ARHGEF18: variants seen among roughly 807,000 people sequenced by gnomAD.
The protein encoded by ARHGEF18 is Rho/Rac guanine nucleotide exchange factor 18, also known as rho guanine nucleotide exchange factor 18.
A neutral mutation model predicts 155.7 loss-of-function variants in ARHGEF18; 93 were observed. The observed-to-expected ratio is 0.60, with a 90% CI of 0.50 to 0.71. ARHGEF18 has a LOEUF of 0.71. ARHGEF18 is among the 30% of genes least tolerant of loss of function. ARHGEF18 has a pLI of 0.00. For synonymous variants in ARHGEF18, 742 were observed against 753.1 expected, an observed-to-expected ratio of 0.99 and a Z score of 0.24; for missense variants, 1,593 against 1,816.1, an observed-to-expected ratio of 0.88 and a Z score of 2.23.
At chr19:7,458,926 A>G (rs1976020117) in intron 19 of ARHGEF18, among the ~76,000 whole-genome samples, 1 of 152,166 alleles carries the variant, frequency 6.6e-6, no homozygotes, top group African/African-American at 2.4e-5. Context: ...TGCACCTGCC[A>G]TGGCGGGCTC....
rs1224713833 is a variant in ARHGEF18 at position 7,469,061 on chromosome 19, G to A, written c.3717G>A (p.Leu1239=). The A allele has an allele frequency of 6.2e-7, 1 of 1,608,222 alleles. No individual in the cohort carries two copies. The highest frequency in any genetic ancestry group is 8.5e-7 in the Non-Finnish European group (1 of 1,178,256). Reference sequence around the variant, plus strand: ...TGCAGCAGCAGATCCCCACCAAGCTGGCGGCCTCCACCAAGGGTGGCAAGG... The same window carrying A: ...TGCAGCAGCAGATCCCCACCAAGCTAGCGGCCTCCACCAAGGGTGGCAAGG... The part of the protein sequence containing the change: ...AAVQQQIPTK[L]AASTKGGKDK... Residue 1239 remains leucine (L), a synonymous_variant, in exon 27 of 29, where the codon CTG becomes CTA. Transcript: ENST00000668164.
chr19:7,401,734 C>G (rs1210461591), intron 10 of ARHGEF18, among the ~76,000 whole-genome samples: 2 of 152,122 alleles, frequency 1.3e-5, no homozygotes, highest in Non-Finnish European at 2.9e-5. Flanking sequence ...TCTGTAGGTT[C>G]CTAAGGCAAA....
chr19:7,466,792 A>G, intron 23 of ARHGEF18, 126 bp from the exon 24 acceptor site: 1 of 916,832 alleles, frequency 1.1e-6, no homozygotes, highest in Non-Finnish European at 1.6e-6. Context: ...CAACAAGAGC[A>G]GAATTCCGTC....
rs187638872 is a variant in ARHGEF18 at position 7,357,621 on chromosome 19, G to C, written c.-110-5160G>C. 7.2e-5 allele frequency among the ~76,000 whole-genome samples: 11 copies of C among 152,270 alleles called. No homozygotes were observed. The East Asian group carries it at 1.9e-3, about 27-fold the overall frequency. ...CCTCTGGCTTAGCTCCCCTGGGAGA[G>C]TGACTCCCTTACAGCGTGTCTCCTG... On this transcript the variant is annotated intron_variant, in intron 1 of 28. Coordinates refer to ENST00000668164, the MANE Select transcript of ARHGEF18 (RefSeq NM_001367823.1).
chr19:7,451,145 C>T lies in ARHGEF18; in HGVS notation c.1738-4C>T. 8.4e-6 allele frequency: 13 copies of T among 1,554,350 alleles called. No individual in the cohort carries two copies. The highest frequency in any genetic ancestry group is 1.1e-5 in the Non-Finnish European group (13 of 1,155,470). The stretch of plus-strand genomic sequence containing the variant: ...AATACAGGATCTTGCTTTCTGTTTC[C>T]TAGAAAATTGGCAACTTCTCCATCG... On this transcript the variant is annotated splice_region_variant and splice_polypyrimidine_tract_variant and intron_variant, in intron 15 of 28. Coordinates refer to ENST00000668164, the MANE Select transcript of ARHGEF18 (RefSeq NM_001367823.1).
intron 2 of ARHGEF18, among the ~76,000 whole-genome samples, chr19:7,369,810 G>T (rs2145388875): frequency 6.6e-6 from 1 of 151,754 alleles, no homozygotes; most frequent in African/African-American, 2.4e-5. Flanking sequence ...AAAATTAAAA[G>T]AAAGAAAGAA....
In ARHGEF18 at chr19:7,383,234, G is replaced by A. The variant is rs1028652608; in HGVS notation, c.967+31G>A. 2.4e-6 allele frequency: 3 copies of A among 1,232,210 alleles called. No homozygotes were observed. In the African/African-American group the frequency reaches 4.7e-5, roughly 19 times the overall value. 76.3% of individuals were successfully genotyped at this position (1,232,210 alleles called of 1,614,324 possible). A position where few individuals can be genotyped will look rare whatever the true frequency, so the allele number is the denominator to read the frequency against. On this transcript the variant is annotated intron_variant, in intron 10 of 28. Transcript: ENST00000668164. ...TCTGGTGGCCCAATCCATCCTCCTG[G>A]AGGGCAGCCACTTTCTCTTCTTCAC...
At position 7,367,754 on chromosome 19, in the gene ARHGEF18, A is replaced by AT. The variant is rs1348293715; in HGVS notation, c.15+4849_15+4850insT. Among the ~76,000 whole-genome samples the AT allele has an allele frequency of 1.5e-4, 17 of 110,666 alleles. 2 individuals are homozygous for AT. The highest frequency in any genetic ancestry group is 5.6e-4 in the African/African-American group (11 of 19,682). The allele number at this position is 110,666 out of a possible 152,430, so 72.6% of individuals were successfully genotyped here. A position where few individuals can be genotyped will look rare whatever the true frequency, so the allele number is the denominator to read the frequency against. On this transcript the variant is annotated intron_variant, in intron 2 of 28. Transcript: ENST00000668164. ...AGAGTGAAACTCCATCTCAAAAAAA[A>AT]AAAAATATATATATATATACACATA...
chr19:7,422,090 C>A (rs116120626), intron 10 of ARHGEF18, among the ~76,000 whole-genome samples: 7,344 of 152,128 alleles, frequency 0.048, 560 homozygotes, highest in African/African-American at 0.16. Flanking sequence ...TTTGTCACCT[C>A]GCACTCAGGC....
intron 10 of ARHGEF18, among the ~76,000 whole-genome samples, chr19:7,433,507 CAAAAAAAAAA>C (rs35825715): frequency 1.2e-4 from 7 of 58,284 alleles, no homozygotes; most frequent in East Asian, 6.4e-4. Context: ...ACTCCGTCTC[CAAAAAAAAAA>C]AAAAAAAAAA....
chr19:7,468,713 C>A, intron 26 of ARHGEF18, 112 bp from the exon 27 acceptor site: 2 of 1,205,934 alleles, frequency 1.7e-6, no homozygotes, highest in Non-Finnish European at 2.3e-6. Context: ...CTGCACCTGG[C>A]TCTGTCCAGA....
At chr19:7,398,881 C>G (rs1050783292) in intron 10 of ARHGEF18, among the ~76,000 whole-genome samples, 1 of 152,144 alleles carries the variant, frequency 6.6e-6, no homozygotes, top group Non-Finnish European at 1.5e-5. Context: ...GGCCATTGCC[C>G]TTTGTGGGCC....
chr19:7,470,518 T>A lies in ARHGEF18; in HGVS notation c.*220T>A. On this transcript the variant is annotated 3_prime_UTR_variant, in exon 29 of 29. Coordinates refer to ENST00000668164, the MANE Select transcript of ARHGEF18 (RefSeq NM_001367823.1). The surrounding 1 kb of genome is among the most constrained non-coding windows in gnomAD (Gnocchi z 5.9). ...TGCCGGGGTCACTTTCTGAATCTCT[T>A]TTTTTTTTTTTCAAAAAGGAAAGTT... is the stretch of plus-strand genomic sequence containing the variant. The A allele has an allele frequency of 2.8e-6, 1 of 361,762 alleles. No individual in the cohort carries two copies. The highest frequency in any genetic ancestry group is 4.8e-6 in the Non-Finnish European group (1 of 209,474). 22.4% of individuals were successfully genotyped at this position (361,762 alleles called of 1,614,324 possible).
At chr19:7,455,687 G>C (rs1975783260) in intron 17 of ARHGEF18, among the ~76,000 whole-genome samples, 1 of 152,144 alleles carries the variant, frequency 6.6e-6, no homozygotes, top group Non-Finnish European at 1.5e-5. Context: ...AGACATACCT[G>C]AGACTGGGCA....
chr19:7,460,794 T>C (rs1380007473), intron 20 of ARHGEF18, among the ~76,000 whole-genome samples: 3 of 151,718 alleles, frequency 2.0e-5, no homozygotes, highest in Non-Finnish European at 4.4e-5. Context: ...TTATTTTATC[T>C]TCTTTTTTTT....
At position 7,440,282 on chromosome 19, in the gene ARHGEF18, C is replaced by T. The variant is rs781731913; in HGVS notation, c.968-62C>T. On this transcript the variant is annotated intron_variant, in intron 10 of 28. Transcript: ENST00000668164. The surrounding 1 kb of genome is among the most constrained non-coding windows in gnomAD (Gnocchi z 5.4). The stretch of plus-strand genomic sequence containing the variant: ...CGCAGTCGGAGCGGGGCTTCCGCGC[C>T]GGGGACCTCCGCTACCCGACCCACT... 42 of 1,569,802 alleles carry T rather than the reference C, an allele frequency of 2.7e-5. No homozygotes were observed. Among genetic ancestry groups the T allele is most frequent in the Non-Finnish European group, 3.3e-5 (38 of 1,157,974 alleles).
At chr19:7,371,820 CAAAA>C (rs11407900) in intron 2 of ARHGEF18, among the ~76,000 whole-genome samples, 3 of 138,492 alleles carry the variant, frequency 2.2e-5, no homozygotes, top group African/African-American at 5.1e-5. Flanking sequence ...GACTCCATCT[CAAAA>C]AAAAAAAAGG....
downstream of ARHGEF18, chr19:7,477,386 T>A: frequency 2.6e-6 from 4 of 1,544,212 alleles, no homozygotes; most frequent in Non-Finnish European, 3.5e-6. Flanking sequence ...TGACAGCGCC[T>A]CCGACTGCAT....
intron 10 of ARHGEF18, among the ~76,000 whole-genome samples, chr19:7,387,001 G>A (rs918359277): frequency 6.6e-6 from 1 of 152,098 alleles, no homozygotes; most frequent in Non-Finnish European, 1.5e-5. Flanking sequence ...TGCCACATCT[G>A]CTGTGTCCCT....
Sources: allele counts gnomAD v4.1 joint callset (sites outside exome capture counted in the v4.1 genomes callset), GRCh38; gene constraint gnomAD v4.1.1; non-coding constraint Gnocchi (gnomAD v3.1); transcripts MANE v1.5; gene names NCBI Gene and HGNC (gene_info 2026-07-23, HGNC 2026-07-21).